RBFOX1: variants seen among roughly 807,000 people sequenced by gnomAD.
The protein encoded by RBFOX1 is RNA binding fox-1 homolog 1, also known as RNA binding protein fox-1 homolog 1.
In RBFOX1, 8 loss-of-function variants were observed where a neutral mutation model predicts 57.7. The observed-to-expected ratio is 0.14, with a 90% CI of 0.08 to 0.25. RBFOX1 has a LOEUF of 0.25. Among genes scored for constraint, RBFOX1 ranks in the 10% least tolerant of loss-of-function variants. The pLI is 1.00. For missense variants in RBFOX1, 611 were observed against 548.5 expected (o/e 1.11, Z -1.14); for synonymous variants, 326 against 222.4 (o/e 1.47, Z -4.15).
Position 7,128,230 on chromosome 16 carries a change from C to G in RBFOX1, c.27+76132C>G, listed in dbSNP as rs115983722. Among the ~76,000 whole-genome samples the G allele has an allele frequency of 3.6e-3, 555 of 152,312 alleles. 8 individuals carry two copies. The highest frequency in any genetic ancestry group is 0.012 in the African/African-American group (510 of 41,578). On this transcript the variant is annotated intron_variant, in intron 4 of 15. Transcript: ENST00000550418. ...AATAGCATGTATTAAGTGCCAGACA[C>G]TAAGTCCTTTTTGTATATGAACTCT...
chr16:6,661,033 G>A (rs1368097660), intron 3 of RBFOX1, among the ~76,000 whole-genome samples: 1 of 152,166 alleles, frequency 6.6e-6, no homozygotes, highest in East Asian at 1.9e-4. Flanking sequence ...GAAGTCCTAT[G>A]TACTGCAGCG....
chr16:6,882,622 A>T (rs1397319515), intron 3 of RBFOX1, among the ~76,000 whole-genome samples: 1 of 152,122 alleles, frequency 6.6e-6, no homozygotes, highest in Non-Finnish European at 1.5e-5. Flanking sequence ...AATAAATAAG[A>T]TCATGTTTGC....
At chr16:5,481,184 T>C (rs150954904) in intron 2 of RBFOX1, among the ~76,000 whole-genome samples, 14 of 152,334 alleles carry the variant, frequency 9.2e-5, no homozygotes, top group Middle Eastern at 3.4e-3. Context: ...AAATGTTGAG[T>C]TGATTTTTCT....
rs1555729385 is a variant in RBFOX1 at position 6,992,854 on chromosome 16, A to AAAAG, written c.-15-59203_-15-59202insAAAG. Among the ~76,000 whole-genome samples the AAAAG allele has an allele frequency of 9.2e-5, 14 of 151,560 alleles. No individual in the cohort carries two copies. The South Asian group carries it at 2.9e-3, about 32-fold the overall frequency. ...TCCTTTTCCAAAAAAAAAAAAAAAA[A>AAAAG]GATTTGTGATACTTCAATATATTCA... On this transcript the variant is annotated intron_variant, in intron 3 of 15. Transcript: ENST00000550418.
intron 4 of RBFOX1, among the ~76,000 whole-genome samples, chr16:7,107,987 G>C (rs1168108295): frequency 6.8e-6 from 1 of 147,622 alleles, no homozygotes; most frequent in African/African-American, 2.5e-5. Flanking sequence ...ATTGACCTAG[G>C]AAAGAAAAAG....
At chr16:7,593,882 C>T (rs1424583991) in intron 7 of RBFOX1, among the ~76,000 whole-genome samples, 2 of 152,166 alleles carry the variant, frequency 1.3e-5, no homozygotes, top group African/African-American at 4.8e-5. Context: ...CATCTACCCT[C>T]ACTTGAATAC....
chr16:5,722,670 C>G (rs2051979295), intron 3 of RBFOX1, among the ~76,000 whole-genome samples: 1 of 152,172 alleles, frequency 6.6e-6, no homozygotes, highest in South Asian at 2.1e-4. Flanking sequence ...GTGGTTTCAC[C>G]TTGGTTGAGG....
chr16:5,960,863 C>G (rs564880549), intron 4 of RBFOX1, among the ~76,000 whole-genome samples: 1 of 152,156 alleles, frequency 6.6e-6, no homozygotes, highest in Non-Finnish European at 1.5e-5. Context: ...ACATGAAGAT[C>G]AATGGTGTTG....
At chr16:7,203,188 G>A (rs932757140) in intron 4 of RBFOX1, among the ~76,000 whole-genome samples, 1 of 152,164 alleles carries the variant, frequency 6.6e-6, no homozygotes, top group Admixed American at 6.5e-5. Flanking sequence ...ACTCACACAC[G>A]CACAATGGAA....
At chr16:5,645,474 A>C (rs1287964811) in intron 3 of RBFOX1, among the ~76,000 whole-genome samples, 2 of 152,220 alleles carry the variant, frequency 1.3e-5, no homozygotes, top group African/African-American at 2.4e-5. Flanking sequence ...TGATGTTTGC[A>C]CACAGCTATG....
intron 3 of RBFOX1, among the ~76,000 whole-genome samples, chr16:5,753,530 T>C (rs2151625556): frequency 6.6e-6 from 1 of 152,304 alleles, no homozygotes; most frequent in Non-Finnish European, 1.5e-5. Context: ...AAGAGCTGTC[T>C]ATAGGACCTC....
At chr16:5,654,807 G>C (rs2049371964) in intron 3 of RBFOX1, among the ~76,000 whole-genome samples, 1 of 150,768 alleles carries the variant, frequency 6.6e-6, no homozygotes, top group Non-Finnish European at 1.5e-5. Flanking sequence ...CTCTCTCTCT[G>C]TCCCTCGCTC....
At chr16:6,812,000 G>A (rs933054541) in intron 3 of RBFOX1, among the ~76,000 whole-genome samples, 1 of 152,286 alleles carries the variant, frequency 6.6e-6, no homozygotes, top group African/African-American at 2.4e-5. Context: ...GAACAGAGGT[G>A]GCCATGCCAT....
rs139646702 is a variant in RBFOX1, at chr16:6,778,363, A to G, written c.-16+123713A>G. Among the ~76,000 whole-genome samples the G allele has an allele frequency of 9.9e-3, 1,510 of 152,282 alleles. 28 individuals carry two copies. Among genetic ancestry groups the G allele is most frequent in the African/African-American group, 0.033 (1,377 of 41,566 alleles). Reference sequence around the variant, plus strand: ...ATTCGATAATTAAAACTCATAGCCAATCATGTTTAATCTATATCCCCACTT... The same window carrying G: ...ATTCGATAATTAAAACTCATAGCCAGTCATGTTTAATCTATATCCCCACTT... On this transcript the variant is annotated intron_variant, in intron 3 of 15. Coordinates refer to ENST00000550418, the MANE Select transcript of RBFOX1 (RefSeq NM_018723.4).
intron 3 of RBFOX1, among the ~76,000 whole-genome samples, chr16:6,945,814 C>A (rs2079391780): frequency 6.6e-6 from 1 of 152,160 alleles, no homozygotes; most frequent in Non-Finnish European, 1.5e-5. Context: ...TCGCCTGAAC[C>A]CAGGAGGCGG....
intron 5 of RBFOX1, among the ~76,000 whole-genome samples, chr16:7,533,506 G>A (rs2080671527): frequency 6.6e-6 from 1 of 152,150 alleles, no homozygotes; most frequent in African/African-American, 2.4e-5. Flanking sequence ...TCCATCACAA[G>A]TTGAAAATGC....
intron 2 of RBFOX1, among the ~76,000 whole-genome samples, chr16:5,575,802 G>C (rs530738007): frequency 1.3e-5 from 2 of 151,904 alleles, no homozygotes; most frequent in East Asian, 1.9e-4. Flanking sequence ...TCTTGGGCTG[G>C]AATGTGCCCA....
At chr16:6,918,422 G>C (rs1196631801) in intron 3 of RBFOX1, among the ~76,000 whole-genome samples, 1 of 152,070 alleles carries the variant, frequency 6.6e-6, no homozygotes, top group Non-Finnish European at 1.5e-5. Context: ...TTTTTGAACT[G>C]TAGCTATAGG....
At chr16:7,425,213 G>A (rs751314748) in intron 4 of RBFOX1, among the ~76,000 whole-genome samples, 1 of 152,164 alleles carries the variant, frequency 6.6e-6, no homozygotes, top group Non-Finnish European at 1.5e-5. Flanking sequence ...GAAGTCCATT[G>A]TTGTTTAATG....
Sources: gnomAD v4.1 joint callset for allele counts (sites outside exome capture counted in the v4.1 genomes callset) on GRCh38, gnomAD v4.1.1 for gene constraint, MANE v1.5 for transcripts, NCBI Gene and HGNC (gene_info 2026-07-23, HGNC 2026-07-21) for gene names.